ASXL3: variants seen among roughly 807,000 people sequenced by gnomAD.
ASXL3 encodes putative Polycomb group protein ASXL3.
Under a neutral mutation model 170.6 loss-of-function variants are expected in ASXL3, and 34 were observed. The ratio of observed to expected loss-of-function variants is 0.20; its 90% CI spans 0.15 to 0.27. ASXL3 has a LOEUF of 0.27. Ranked by LOEUF, ASXL3 falls within the 10% of genes least tolerant of loss-of-function variation. The probability of loss-of-function intolerance (pLI) is 1.00; values close to 1 mark genes in which losing one functional copy is unlikely to be tolerated. For missense variants in ASXL3, 2,592 were observed against 2,695.3 expected (o/e 0.96, Z 0.85); for synonymous variants, 1,002 against 989.1 (o/e 1.01, Z -0.24).
intron 2 of ASXL3, among the ~76,000 whole-genome samples, chr18:33,637,939 C>A (rs1385363919): frequency 1.3e-5 from 2 of 152,066 alleles, no homozygotes; most frequent in Non-Finnish European, 2.9e-5. Flanking sequence ...GCCTACATTT[C>A]TATTATGTGC....
chr18:33,705,389 A>G (rs2066940105), intron 8 of ASXL3, among the ~76,000 whole-genome samples: 1 of 151,382 alleles, frequency 6.6e-6, no homozygotes, highest in Non-Finnish European at 1.5e-5. Context: ...TTAACTGAAA[A>G]TATTTTCCTT....
chr18:33,739,733 G>A lies in ASXL3; in HGVS notation c.2329G>A (p.Glu777Lys). ...QQRKSPSVSE[E>K]PLSPQKDESS... ...AAGAAAGTCACCTTCTGTATCTGAA[G>A]AGCCACTCTCCCCGCAGAAAGATGA... Residue 777 changes from glutamate (E) to lysine (K), a missense_variant, in exon 11 of 12, where the codon GAG (glutamate) becomes AAG (lysine). Glu to Lys is a moderately conservative substitution (Grantham distance 56). Transcript: ENST00000269197. 1 of 1,613,834 alleles carries A rather than the reference G, an allele frequency of 6.2e-7. No homozygotes were observed.
chr18:33,631,972 T>C (rs916053754), intron 2 of ASXL3, among the ~76,000 whole-genome samples: 22 of 152,174 alleles, frequency 1.4e-4, no homozygotes, highest in Admixed American at 9.2e-4. Context: ...AGAATTAGGC[T>C]GGAAGAAAGT....
chr18:33,699,891 ATAT>A (rs2066840644), intron 8 of ASXL3, among the ~76,000 whole-genome samples: 1 of 151,834 alleles, frequency 6.6e-6, no homozygotes, highest in Non-Finnish European at 1.5e-5. Context: ...TTTTTTATTT[ATAT>A]TATTGAGTTT....
intron 4 of ASXL3, among the ~76,000 whole-genome samples, chr18:33,654,601 C>A (rs1266676094): frequency 6.6e-6 from 1 of 152,012 alleles, no homozygotes; most frequent in East Asian, 1.9e-4. Context: ...CCACTTTTTT[C>A]TGTTTCTCAT....
At chr18:33,636,254 G>A (rs1442032750) in intron 2 of ASXL3, among the ~76,000 whole-genome samples, 1 of 151,936 alleles carries the variant, frequency 6.6e-6, no homozygotes, top group Non-Finnish European at 1.5e-5. Context: ...TGACCCTAAT[G>A]CTGGCCTGAG....
intron 8 of ASXL3, among the ~76,000 whole-genome samples, chr18:33,713,400 G>A (rs1479522375): frequency 1.3e-5 from 2 of 149,532 alleles, no homozygotes; most frequent in African/African-American, 4.9e-5. Context: ...TGAGATTACA[G>A]GCACCTGCCA....
chr18:33,742,494 TA>T (rs2145421782), intron 11 of ASXL3, among the ~76,000 whole-genome samples: 1 of 152,270 alleles, frequency 6.6e-6, no homozygotes, highest in African/African-American at 2.4e-5. Flanking sequence ...CAAACTCAAA[TA>T]GAGTTGAAGT....
At chr18:33,700,173 TA>T (rs2066846963) in intron 8 of ASXL3, among the ~76,000 whole-genome samples, 1 of 152,022 alleles carries the variant, frequency 6.6e-6, no homozygotes, top group Non-Finnish European at 1.5e-5. Flanking sequence ...GCAGAGGATT[TA>T]ATATGTTTAG....
intron 10 of ASXL3, among the ~76,000 whole-genome samples, chr18:33,735,002 C>T (rs1288878207): frequency 6.6e-6 from 1 of 152,054 alleles, no homozygotes; most frequent in Non-Finnish European, 1.5e-5. Flanking sequence ...TCACCTTTGC[C>T]TCAGGTTTAA....
At chr18:33,611,117 A>G (rs2065330235) in intron 2 of ASXL3, among the ~76,000 whole-genome samples, 1 of 152,124 alleles carries the variant, frequency 6.6e-6, no homozygotes, top group South Asian at 2.1e-4. Flanking sequence ...CACTTTAAAT[A>G]TAATTTTCAT....
rs566049228 is a variant in ASXL3 at position 33,629,658 on chromosome 18, G to T, written c.138-15236G>T. 1.3e-5 allele frequency among the ~76,000 whole-genome samples: 2 copies of T among 151,992 alleles called. 1 individual carries two copies. Among genetic ancestry groups the T allele is most frequent in the South Asian group, 4.2e-4 (2 of 4,814 alleles). ...TTTTTCGTTATTGGAATTGCTCTCT[G>T]GAGAGTCTCTGTGTGTCTGGTTGGA... is the stretch of plus-strand genomic sequence containing the variant. On this transcript the variant is annotated intron_variant, in intron 2 of 11. Transcript: ENST00000269197.
intron 2 of ASXL3, among the ~76,000 whole-genome samples, chr18:33,644,501 A>G (rs550152879): frequency 3.3e-5 from 5 of 150,848 alleles, no homozygotes; most frequent in Non-Finnish European, 7.4e-5. Context: ...TGATCATTCA[A>G]GTGCAACCAT....
At chr18:33,701,502 C>T (rs945263041) in intron 8 of ASXL3, among the ~76,000 whole-genome samples, 2 of 152,040 alleles carry the variant, frequency 1.3e-5, no homozygotes, top group African/African-American at 4.8e-5. Flanking sequence ...ATAAGTGTTA[C>T]ATTTTTATTA....
At chr18:33,671,660 T>C in intron 6 of ASXL3, 87 bp from the exon 7 acceptor site, 1 of 1,205,398 alleles carries the variant, frequency 8.3e-7, no homozygotes, top group Admixed American at 2.7e-5. Flanking sequence ...AAGGAGATTA[T>C]ATCTACAGTT....
At chr18:33,742,051 T>A (rs1293109172) in intron 11 of ASXL3, among the ~76,000 whole-genome samples, 1 of 152,218 alleles carries the variant, frequency 6.6e-6, no homozygotes, top group Non-Finnish European at 1.5e-5. Context: ...TTCAGCAGAT[T>A]GTGGATTACC....
intron 8 of ASXL3, among the ~76,000 whole-genome samples, chr18:33,696,843 G>A (rs2066781215): frequency 6.6e-6 from 1 of 152,146 alleles, no homozygotes; most frequent in Non-Finnish European, 1.5e-5. Context: ...CAGCCTCAAT[G>A]ATGTATCACC....
chr18:33,671,723 C>T (rs1355911798), intron 6 of ASXL3, 24 bp from the exon 7 acceptor site: 2 of 1,572,990 alleles, frequency 1.3e-6, no homozygotes, highest in Non-Finnish European at 1.7e-6. Flanking sequence ...AAGATAATGA[C>T]ATAATAACTA....
intron 1 of ASXL3, among the ~76,000 whole-genome samples, chr18:33,587,254 G>T (rs897389667): frequency 2.0e-5 from 3 of 152,036 alleles, no homozygotes; most frequent in Non-Finnish European, 2.9e-5. Context: ...TGTTTTATTT[G>T]TTATACACCA....
Sources: gnomAD v4.1 joint callset for allele counts (sites outside exome capture counted in the v4.1 genomes callset) on GRCh38, gnomAD v4.1.1 for gene constraint, MANE v1.5 for transcripts, NCBI Gene and HGNC (gene_info 2026-07-23, HGNC 2026-07-21) for gene names.